The following CELSR1 variants were observed in gnomAD, a reference collection of about 807,000 sequenced individuals.
CELSR1 encodes cadherin EGF LAG seven-pass G-type receptor 1.
In CELSR1, 110 loss-of-function variants were observed where a neutral mutation model predicts 249.1. That is an observed-to-expected ratio of 0.44 (90% CI 0.38 to 0.52). The LOEUF (loss-of-function observed/expected upper bound fraction) is 0.52. Ranked by LOEUF, CELSR1 falls within the 20% of genes least tolerant of loss-of-function variation. The probability of loss-of-function intolerance (pLI) is 0.00; values close to 1 mark genes in which losing one functional copy is unlikely to be tolerated. For synonymous variants in CELSR1, 2,113 were observed against 1,900.0 expected (o/e 1.11, Z -2.92); for missense variants, 4,109 against 4,296.4 (o/e 0.96, Z 1.22).
At chr22:46,522,804 G>A (rs5768885) in intron 1 of CELSR1, among the ~76,000 whole-genome samples, 43,380 of 152,150 alleles carry the variant, frequency 0.29, 7,257 homozygotes, top group African/African-American at 0.46. Context: ...AGGTCCAGAG[G>A]GGGCCAGGCA....
chr22:46,435,701 TTTA>T (rs1187523637), intron 4 of CELSR1, among the ~76,000 whole-genome samples: 3 of 152,068 alleles, frequency 2.0e-5, no homozygotes, highest in Non-Finnish European at 4.4e-5. Flanking sequence ...TGAACATCTT[TTTA>T]TTATTATTAT....
chr22:46,405,266 C>G (rs1006299840), intron 9 of CELSR1, among the ~76,000 whole-genome samples: 5 of 151,314 alleles, frequency 3.3e-5, no homozygotes, highest in Admixed American at 2.0e-4. Context: ...CGAGACCATC[C>G]TGGCTAACCC....
rs185211808 is a variant in CELSR1 at position 46,471,398 on chromosome 22, T to C, written c.3545-7053A>G. 9.2e-5 allele frequency among the ~76,000 whole-genome samples: 14 copies of C among 152,204 alleles called. No homozygotes were observed. The highest frequency in any genetic ancestry group is 5.9e-4 in the Admixed American group (9 of 15,284). On this transcript the variant is annotated intron_variant, in intron 1 of 34. Transcript: ENST00000674500. The surrounding 1 kb of genome is among the most constrained non-coding windows in gnomAD (Gnocchi z 4.9). The stretch of plus-strand genomic sequence containing the variant: ...TAGCATGGTAGGTTTGGGGGTCTTT[T>C]GCTTGTTTTGAGACAGAGTCTCATT...
chr22:46,509,503 C>T (rs1165731394), intron 1 of CELSR1, among the ~76,000 whole-genome samples: 1 of 152,280 alleles, frequency 6.6e-6, no homozygotes, highest in Non-Finnish European at 1.5e-5. Context: ...CAGCCCACTT[C>T]CATGGCAGTC....
chr22:46,376,926 A>T, intron 24 of CELSR1, 135 bp downstream of exon 24: 2 of 872,682 alleles, frequency 2.3e-6, no homozygotes, highest in South Asian at 3.2e-5. Flanking sequence ...CACGTTCCTG[A>T]AAGGGCATCT....
Position 46,484,615 on chromosome 22 carries a change from A to G in CELSR1, c.3545-20270T>C, listed in dbSNP as rs1469034807. Among the ~76,000 whole-genome samples, 1 of 147,708 alleles carries G rather than the reference A, an allele frequency of 6.8e-6. No homozygotes were observed. The highest frequency in any genetic ancestry group is 1.5e-5 in the Non-Finnish European group (1 of 67,346). On this transcript the variant is annotated intron_variant, in intron 1 of 34. Coordinates refer to ENST00000674500, the MANE Select transcript of CELSR1 (RefSeq NM_001378328.1). This position sits in a 1 kb window ranked among gnomAD's most constrained non-coding sequence, Gnocchi z 4.5. ...GGCAGCTGCGCTCACATACCACGAG[A>G]GCTACCTGGCCCACTCACTGCAGCA...
In CELSR1 at chr22:46,490,475, C is replaced by T. The variant is rs186440201; in HGVS notation, c.3545-26130G>A. On this transcript the variant is annotated intron_variant, in intron 1 of 34. Coordinates refer to ENST00000674500, the MANE Select transcript of CELSR1 (RefSeq NM_001378328.1). This position sits in a 1 kb window ranked among gnomAD's most constrained non-coding sequence, Gnocchi z 5.2. Reference sequence around the variant, plus strand: ...CTAATTTTTGTATTTTTAGTAGAGACGGGGTTTCACCATGTTGGTCAGGCT... The same window carrying T: ...CTAATTTTTGTATTTTTAGTAGAGATGGGGTTTCACCATGTTGGTCAGGCT... Among the ~76,000 whole-genome samples the T allele has an allele frequency of 6.6e-6, 1 of 152,008 alleles. No homozygotes were observed. The highest frequency in any genetic ancestry group is 6.5e-5 in the Admixed American group (1 of 15,272).
intron 1 of CELSR1, among the ~76,000 whole-genome samples, chr22:46,495,825 A>AT (rs935323018): frequency 6.6e-6 from 1 of 151,928 alleles, no homozygotes; most frequent in Non-Finnish European, 1.5e-5. Context: ...CAAAAAATAT[A>AT]TTTTTTTTTC....
rs186675152 is a variant in CELSR1, at chr22:46,447,672, G to C, written c.4184-8261C>G. Reference sequence around the variant, plus strand: ...GAGTCTTACTCTGTCGCCCAGGCTGGAGTGCAATGGTGCGATCTCGGCTCA... The same window carrying C: ...GAGTCTTACTCTGTCGCCCAGGCTGCAGTGCAATGGTGCGATCTCGGCTCA... On this transcript the variant is annotated intron_variant, in intron 2 of 34. Transcript: ENST00000674500. The surrounding 1 kb of genome is among the most constrained non-coding windows in gnomAD (Gnocchi z 4.7). Among the ~76,000 whole-genome samples the C allele has an allele frequency of 3.9e-5, 6 of 152,318 alleles. No individual in the cohort carries two copies. The highest frequency in any genetic ancestry group is 3.9e-4 in the Admixed American group (6 of 15,304).
At chr22:46,514,044 C>T (rs984519044) in intron 1 of CELSR1, among the ~76,000 whole-genome samples, 2 of 152,146 alleles carry the variant, frequency 1.3e-5, no homozygotes, top group African/African-American at 2.4e-5. Flanking sequence ...CCACCCGCCT[C>T]ACCCTCCCAA....
At position 46,386,480 on chromosome 22, in the gene CELSR1, C is replaced by T. The variant is rs758977323; in HGVS notation, c.6661G>A (p.Glu2221Lys). Residue 2221 changes from glutamate to lysine, a missense_variant, in exon 19 of 35, where the codon GAG becomes AAG. Around this residue, in one of 7 missense-constraint regions of CELSR1, gnomAD observed 1,805 missense variants for 1,831.6 expected, o/e 0.99. Transcript: ENST00000674500. ...CGTGCCACGTTGCTGAAGTAGCCCT[C>T]GAGGCGCCGGAGCAGCTGTGCCGTG... The part of the protein sequence containing the change: ...GGTAQLLRRL[E>K]GYFSNVARNV... 10 of 1,601,504 alleles carry T rather than the reference C, an allele frequency of 6.2e-6. No homozygotes were observed. Among genetic ancestry groups the T allele is most frequent in the South Asian group, 3.4e-5 (3 of 89,164 alleles).
At chr22:46,478,710 A>ATT (rs369299407) in intron 1 of CELSR1, among the ~76,000 whole-genome samples, 81,910 of 147,738 alleles carry the variant, frequency 0.55, 23,125 homozygotes, top group East Asian at 0.71. Flanking sequence ...GCCCAGCTAA[A>ATT]ATTTTTTTTT....
chr22:46,387,802 C>T (rs942754330), intron 18 of CELSR1, among the ~76,000 whole-genome samples: 10 of 152,074 alleles, frequency 6.6e-5, no homozygotes, highest in African/African-American at 2.4e-4. Context: ...TACCCCAAGA[C>T]GCTAAGGCAG....
rs1602067811 is a variant in CELSR1, at chr22:46,391,740, G to A, written c.6041C>T (p.Thr2014Ile). The A allele has an allele frequency of 1.2e-6, 2 of 1,612,466 alleles. No individual in the cohort carries two copies. The highest frequency in any genetic ancestry group is 2.7e-5 in the African/African-American group (2 of 74,938). ...DCFPHGSHSR[T>I]CDMATGQCAC... is the part of the protein sequence containing the mutation. ...ACACTGCCCGGTGGCCATGTCGCAA[G>A]TGCGGCTGTGGGAGCCATGGGGGAA... The change falls in exon 15 of 35, where the codon ACT (threonine) becomes ATT (isoleucine). Residue 2014 changes from threonine (T) to isoleucine (I), a missense_variant. Physicochemically the swap from Thr to Ile is moderately conservative, Grantham distance 89. This residue lies in a region of CELSR1 where 1,805 missense variants were observed against 1,831.6 expected (regional missense o/e 0.99). Transcript: ENST00000674500. This position sits in a 1 kb window ranked among gnomAD's most constrained non-coding sequence, Gnocchi z 4.3.
At chr22:46,502,206 T>G (rs1196322506) in intron 1 of CELSR1, among the ~76,000 whole-genome samples, 1 of 142,460 alleles carries the variant, frequency 7.0e-6, no homozygotes, top group African/African-American at 2.7e-5. Context: ...GGGGCTGCAG[T>G]GAGCTATGAT....
intron 2 of CELSR1, among the ~76,000 whole-genome samples, chr22:46,453,771 C>G (rs919134849): frequency 1.3e-5 from 2 of 152,266 alleles, no homozygotes; most frequent in African/African-American, 4.8e-5. Flanking sequence ...AGATCGTGGC[C>G]GGTTATAAAC....
chr22:46,377,298 A>G, intron 23 of CELSR1, 37 bp from the exon 24 acceptor site: 5 of 1,601,580 alleles, frequency 3.1e-6, no homozygotes, highest in Non-Finnish European at 4.3e-6. Flanking sequence ...AGAGAAGGTA[A>G]GGGCCGAGGC....
rs781246009 is a variant in CELSR1, at chr22:46,367,132, G to C, written c.8080-14C>G. 1 of 1,608,620 alleles carries C rather than the reference G, an allele frequency of 6.2e-7. No homozygotes were observed. The highest frequency in any genetic ancestry group is 1.7e-5 in the Admixed American group (1 of 59,730). On this transcript the variant is annotated splice_polypyrimidine_tract_variant and intron_variant, in intron 28 of 34. Transcript: ENST00000674500. ...GACGAAGGGGCCCTGGAGGGAGGAAGGTGGGGTCAGCACCTGCTGCTGCCT... is the reference window on the plus strand; with the variant it reads ...GACGAAGGGGCCCTGGAGGGAGGAACGTGGGGTCAGCACCTGCTGCTGCCT...
At chr22:46,529,082 G>A (rs938291676) in intron 1 of CELSR1, among the ~76,000 whole-genome samples, 3 of 151,834 alleles carry the variant, frequency 2.0e-5, no homozygotes, top group East Asian at 1.9e-4. Flanking sequence ...TGGCTAACAC[G>A]GTGAAACCCC....
Sources: gnomAD v4.1 joint callset for allele counts (sites outside exome capture counted in the v4.1 genomes callset) on GRCh38, gnomAD v4.1.1 for gene constraint, gnomAD v4.1.1 regional missense constraint, Gnocchi (gnomAD v3.1) non-coding constraint, MANE v1.5 for transcripts, NCBI Gene and HGNC (gene_info 2026-07-23, HGNC 2026-07-21) for gene names.